Variants in SASH1 observed in about 807,000 individuals in gnomAD.
SASH1 encodes the protein SAM and SH3 domain-containing protein 1.
SASH1 carries 44 observed loss-of-function variants against 125.2 expected under a neutral mutation model. The observed-to-expected ratio is 0.35, with a 90% CI of 0.28 to 0.45. The LOEUF (loss-of-function observed/expected upper bound fraction) is 0.45. SASH1 is among the 20% of genes least tolerant of loss of function. SASH1 has a pLI of 1.00. For synonymous variants in SASH1, 639 were observed against 649.1 expected (o/e 0.98, Z 0.24); for missense variants, 1,426 against 1,614.5 (o/e 0.88, Z 2.00).
chr6:148,399,157 A>G (rs968611799), intron 2 of SASH1, among the ~76,000 whole-genome samples: 2 of 151,016 alleles, frequency 1.3e-5, no homozygotes, highest in African/African-American at 2.4e-5. Context: ...TGTGCATGAC[A>G]GTCTAAGAGT....
Position 148,275,579 on chromosome 6 carries a change from G to A in SASH1, n.74+3202G>A, listed in dbSNP as rs144063023. Among the ~76,000 whole-genome samples the A allele has an allele frequency of 2.2e-3, 331 of 152,272 alleles. 4 individuals are homozygous for A. The highest frequency in any genetic ancestry group is 7.5e-3 in the African/African-American group (312 of 41,552). Reference sequence around the variant, plus strand: ...AAGAAAATTTTGCAGACAGCTTCAAGTGGTTCCTCCATTGACCTTCCAAAA... The same window carrying A: ...AAGAAAATTTTGCAGACAGCTTCAAATGGTTCCTCCATTGACCTTCCAAAA... On this transcript the variant is annotated intron_variant and non_coding_transcript_variant, in intron 1 of 3. Transcript: ENST00000367469.
chr6:148,523,216 G>A (rs1257484046), intron 10 of SASH1, among the ~76,000 whole-genome samples: 1 of 152,194 alleles, frequency 6.6e-6, no homozygotes, highest in Non-Finnish European at 1.5e-5. Flanking sequence ...ACGTGCAAAA[G>A]CCATACAATG....
the SASH1 span, among the ~76,000 whole-genome samples, chr6:148,254,620 G>A: frequency 2.3e-4 from 35 of 152,160 alleles, no homozygotes; most frequent in Non-Finnish European, 1.5e-5. Flanking sequence ...CTAGTTATTG[G>A]GGAAGCAAAA....
chr6:148,379,930 T>C (rs1293243722), intron 1 of SASH1: 1 of 456,552 alleles, frequency 2.2e-6, no homozygotes, highest in Non-Finnish European at 4.4e-6. Context: ...CCCAGGATTT[T>C]AAAGCAAGTC....
In SASH1 at chr6:148,529,797, GTTTTT is replaced by G. The variant is rs774633309; in HGVS notation, c.1429-1723_1429-1719del. On this transcript the variant is annotated intron_variant, in intron 12 of 19. Transcript: ENST00000367467. This position sits in a 1 kb window ranked among gnomAD's most constrained non-coding sequence, Gnocchi z 4.2. Reference sequence around the variant, plus strand: ...AAATAATGGAAGGTTTTATGTGGTTGTTTTTTTTTTGTTTTTGTTTTTGTTTTGAG... The same window carrying G: ...AAATAATGGAAGGTTTTATGTGGTTGTTTTTGTTTTTGTTTTTGTTTTGAG... Among the ~76,000 whole-genome samples, 11 of 145,600 alleles carry G rather than the reference GTTTTT, an allele frequency of 7.6e-5. No individual in the cohort carries two copies. The highest frequency in any genetic ancestry group is 2.6e-4 in the African/African-American group (10 of 38,690).
chr6:148,358,279 C>T (rs184635771), intron 1 of SASH1, among the ~76,000 whole-genome samples: 19 of 152,186 alleles, frequency 1.2e-4, no homozygotes, highest in Middle Eastern at 3.4e-3. Context: ...TGTAGGTCAC[C>T]GATGGCTCCC....
chr6:148,214,863 G>A, the SASH1 span, among the ~76,000 whole-genome samples: 1 of 152,120 alleles, frequency 6.6e-6, no homozygotes, highest in Admixed American at 6.5e-5. Context: ...ATGTGTTTCT[G>A]CTGAACTGAG....
rs1334702360 is a variant in SASH1, at chr6:148,529,672, G to C, written c.1429-1854G>C. On this transcript the variant is annotated intron_variant, in intron 12 of 19. Coordinates refer to ENST00000367467, the MANE Select transcript of SASH1 (RefSeq NM_015278.5). This position sits in a 1 kb window ranked among gnomAD's most constrained non-coding sequence, Gnocchi z 4.2. Reference sequence around the variant, plus strand: ...TTTTCAATAATTTTACTACCATATAGCAATCTTATGTGCTTAGTTCTGTTT... The same window carrying C: ...TTTTCAATAATTTTACTACCATATACCAATCTTATGTGCTTAGTTCTGTTT... Among the ~76,000 whole-genome samples the C allele has an allele frequency of 6.6e-6, 1 of 151,964 alleles. No homozygotes were observed. Among genetic ancestry groups the C allele is most frequent in the Non-Finnish European group, 1.5e-5 (1 of 68,022 alleles).
At chr6:148,423,698 G>A (rs768648571) in intron 2 of SASH1, among the ~76,000 whole-genome samples, 1 of 152,132 alleles carries the variant, frequency 6.6e-6, no homozygotes, top group East Asian at 1.9e-4. Flanking sequence ...GCGAGCTCTT[G>A]AAGGTCAGTG....
chr6:148,457,695 C>T lies in SASH1; in HGVS notation c.387-10850C>T, dbSNP rs75118583. Among the ~76,000 whole-genome samples the T allele has an allele frequency of 1.0e-3, 157 of 152,200 alleles. 1 individual carries two copies. The highest frequency in any genetic ancestry group is 3.5e-3 in the African/African-American group (144 of 41,532). On this transcript the variant is annotated intron_variant, in intron 4 of 19. Coordinates refer to ENST00000367467, the MANE Select transcript of SASH1 (RefSeq NM_015278.5). ...CTAACTGTGTATTCATCCATCCTCA[C>T]GCTACTAACAAAGACATACCCAAGA... is the stretch of plus-strand genomic sequence containing the variant.
chr6:148,446,116 T>TTTTC, intron 4 of SASH1, among the ~76,000 whole-genome samples: 5 of 35,886 alleles, frequency 1.4e-4, no homozygotes, highest in African/African-American at 5.8e-4. Context: ...TTTTTTTTTT[T>TTTTC]TTTTTTTTTT....
intron 9 of SASH1, among the ~76,000 whole-genome samples, chr6:148,515,722 G>T (rs1780398755): frequency 6.6e-6 from 1 of 152,208 alleles, no homozygotes; most frequent in Non-Finnish European, 1.5e-5. Flanking sequence ...CCACAGTATT[G>T]AATGTACCCT....
intron 1 of SASH1, among the ~76,000 whole-genome samples, chr6:148,355,903 A>G (rs1333810428): frequency 1.3e-5 from 2 of 152,032 alleles, no homozygotes; most frequent in Non-Finnish European, 2.9e-5. Flanking sequence ...TTTGGGGAAC[A>G]GGTCAGGTAG....
chr6:148,401,462 A>T (rs1784167233), intron 2 of SASH1, among the ~76,000 whole-genome samples: 1 of 152,060 alleles, frequency 6.6e-6, no homozygotes, highest in African/African-American at 2.4e-5. Flanking sequence ...CTCCCTTGAC[A>T]GGTCAATCTG....
At chr6:148,277,664 T>C (rs533157162) in intron 1 of SASH1, among the ~76,000 whole-genome samples, 4 of 152,316 alleles carry the variant, frequency 2.6e-5, no homozygotes, top group Middle Eastern at 3.4e-3. Flanking sequence ...GTGCTTTATT[T>C]TGAAGAACCA....
At chr6:148,216,800 G>T in the SASH1 span, among the ~76,000 whole-genome samples, 5 of 151,598 alleles carry the variant, frequency 3.3e-5, no homozygotes, top group Admixed American at 2.6e-4. Flanking sequence ...GTGCAATCTC[G>T]GCTCACTGCA....
the SASH1 span, among the ~76,000 whole-genome samples, chr6:148,210,030 C>T: frequency 6.6e-6 from 1 of 152,148 alleles, no homozygotes; most frequent in Non-Finnish European, 1.5e-5. Flanking sequence ...ACATAATTTT[C>T]GTTTATGGCT....
At position 148,343,106 on chromosome 6, in the gene SASH1, TGAGCCCGAGCCCGAGCCGGAGCCC is replaced by T. The variant is rs781320600; in HGVS notation, c.47_70del (p.Glu16_Pro23del). On this transcript the variant is annotated inframe_deletion, in exon 1 of 20. Transcript: ENST00000367467. ...GAGCAGCTGGCCCGGGGCCGGAGCC[TGAGCCCGAGCCCGAGCCGGAGCCC>T]GAGCCCGCGCCGGAGCCGGAACCGG... 3.2e-6 allele frequency: 5 copies of T among 1,573,520 alleles called. No homozygotes were observed. Among genetic ancestry groups the T allele is most frequent in the Non-Finnish European group, 4.3e-6 (5 of 1,166,906 alleles).
intron 9 of SASH1, among the ~76,000 whole-genome samples, chr6:148,518,542 G>A (rs750481792): frequency 1.7e-4 from 26 of 152,036 alleles, no homozygotes; most frequent in African/African-American, 2.7e-4. Flanking sequence ...ACACACTGGC[G>A]CCCTCGTCCC....
Sources: allele counts gnomAD v4.1 joint callset (sites outside exome capture counted in the v4.1 genomes callset), GRCh38; gene constraint gnomAD v4.1.1; non-coding constraint Gnocchi (gnomAD v3.1); transcripts MANE v1.5; gene names NCBI Gene and HGNC (gene_info 2026-07-23, HGNC 2026-07-21).